GTF3A: variants seen among roughly 807,000 people sequenced by gnomAD.
GTF3A encodes transcription factor IIIA.
In GTF3A, 40 loss-of-function variants were observed where a neutral mutation model predicts 37.6. The ratio of observed to expected loss-of-function variants is 1.06; its 90% CI spans 0.83 to 1.38. The LOEUF is 1.38. Among genes scored for constraint, GTF3A ranks in the 40% most tolerant of loss-of-function variants. The pLI is 0.00. For synonymous variants in GTF3A, 191 were observed against 166.7 expected (o/e 1.15, Z -1.12); for missense variants, 500 against 462.6 (o/e 1.08, Z -0.74).
At chr13:27,427,488 A>G (rs1411783337) in intron 2 of GTF3A, among the ~76,000 whole-genome samples, 1 of 152,148 alleles carries the variant, frequency 6.6e-6, no homozygotes, top group Non-Finnish European at 1.5e-5. Context: ...GAGCTAACAT[A>G]AAATGCTCAT....
chr13:27,428,450 G>C (rs758871980), intron 2 of GTF3A, among the ~76,000 whole-genome samples: 1 of 152,196 alleles, frequency 6.6e-6, no homozygotes, highest in Admixed American at 6.5e-5. Context: ...TTTCAAGCAC[G>C]GCCTACATGT....
chr13:27,433,514 T>TAAAA (rs780277596), intron 5 of GTF3A, among the ~76,000 whole-genome samples: 1 of 110,920 alleles, frequency 9.0e-6, no homozygotes, highest in African/African-American at 3.5e-5. Flanking sequence ...TGTACTCTTT[T>TAAAA]AAAAAAAAAA....
chr13:27,434,957 C>T lies in GTF3A; in HGVS notation c.796C>T (p.His266Tyr), dbSNP rs1566077917. ...TACAACTGTGTTTAATCTCCAAAGCCATATCCTCTCCTTCCATGAGGAAAG... is the reference window on the plus strand; with the variant it reads ...TACAACTGTGTTTAATCTCCAAAGCTATATCCTCTCCTTCCATGAGGAAAG... The change falls in exon 7 of 9, where the codon CAT (histidine) becomes TAT (tyrosine). Residue 266 changes from histidine to tyrosine, a missense_variant. His to Tyr is a moderately conservative substitution (Grantham distance 83). Coordinates refer to ENST00000381140, the MANE Select transcript of GTF3A (RefSeq NM_002097.3). 1.2e-6 allele frequency: 2 copies of T among 1,611,552 alleles called. No individual in the cohort carries two copies. The highest frequency in any genetic ancestry group is 2.2e-5 in the East Asian group (1 of 44,858).
chr13:27,427,393 C>T (rs1953615308), intron 2 of GTF3A, among the ~76,000 whole-genome samples: 1 of 152,044 alleles, frequency 6.6e-6, no homozygotes, highest in Non-Finnish European at 1.5e-5. Context: ...ACCTGGGCAA[C>T]ATGGTGAAAC....
chr13:27,429,864 T>A lies in GTF3A; in HGVS notation c.303-6T>A. The A allele has an allele frequency of 6.7e-7, 1 of 1,497,148 alleles. No individual in the cohort carries two copies. The highest frequency in any genetic ancestry group is 8.9e-7 in the Non-Finnish European group (1 of 1,119,338). 92.7% of individuals were successfully genotyped at this position (1,497,148 alleles called of 1,614,324 possible). Reference sequence around the variant, plus strand: ...TTAATATTTTGGTTTATATAACTTCTTACAGTTGTGCAGCCAATGGCTGTG... The same window carrying A: ...TTAATATTTTGGTTTATATAACTTCATACAGTTGTGCAGCCAATGGCTGTG... On this transcript the variant is annotated splice_region_variant and splice_polypyrimidine_tract_variant and intron_variant, in intron 2 of 8. Coordinates refer to ENST00000381140, the MANE Select transcript of GTF3A (RefSeq NM_002097.3).
rs1953693476 is a variant in GTF3A, at chr13:27,434,765, T to C, written c.644-40T>C. 8 of 1,201,408 alleles carry C rather than the reference T, an allele frequency of 6.7e-6. No individual in the cohort carries two copies. The South Asian group carries it at 1.0e-4, about 16-fold the overall frequency. 74.4% of individuals were successfully genotyped at this position (1,201,408 alleles called of 1,614,324 possible). ...TATTAATTTTTTCTAAATGGTAATA[T>C]CTGGGGAAATTTGTGAAATTTGTCT... On this transcript the variant is annotated intron_variant, in intron 6 of 8. Transcript: ENST00000381140.
chr13:27,435,130 T>G lies in GTF3A; in HGVS notation c.874-3T>G, dbSNP rs767973928. On this transcript the variant is annotated splice_region_variant and splice_polypyrimidine_tract_variant and intron_variant, in intron 7 of 8. Transcript: ENST00000381140. Reference sequence around the variant, plus strand: ...TCATTAATAACTTTCTCTTTCATTGTAGCAAAGTCTCACTAGGCATGCTGT... The same window carrying G: ...TCATTAATAACTTTCTCTTTCATTGGAGCAAAGTCTCACTAGGCATGCTGT... The G allele has an allele frequency of 3.9e-5, 62 of 1,608,396 alleles. 1 individual carries two copies. The Admixed American group carries it at 5.2e-4, about 14-fold the overall frequency.
Position 27,424,950 on chromosome 13 carries a change from G to C in GTF3A, c.201+12G>C, listed in dbSNP as rs1953591752. 1 of 1,539,644 alleles carries C rather than the reference G, an allele frequency of 6.5e-7. No individual in the cohort carries two copies. The highest frequency in any genetic ancestry group is 8.8e-7 in the Non-Finnish European group (1 of 1,140,904). Reference sequence around the variant, plus strand: ...AGCACACGGGGGAGGTGAGGGGGGCGAGGCTGCCAACCCTGGGCCTAGGGA... The same window carrying C: ...AGCACACGGGGGAGGTGAGGGGGGCCAGGCTGCCAACCCTGGGCCTAGGGA... On this transcript the variant is annotated intron_variant, in intron 1 of 8. Transcript: ENST00000381140.
In GTF3A at chr13:27,424,661, G is replaced by C; in HGVS notation, c.-77G>C. The C allele has an allele frequency of 9.0e-7, 1 of 1,107,886 alleles. No individual in the cohort carries two copies. The highest frequency in any genetic ancestry group is 1.2e-6 in the Non-Finnish European group (1 of 839,920). The allele number at this position is 1,107,886 out of a possible 1,614,324, so 68.6% of individuals were successfully genotyped here. A position where few individuals can be genotyped will look rare whatever the true frequency, so the allele number is the denominator to read the frequency against. On this transcript the variant is annotated 5_prime_UTR_variant, in exon 1 of 9. Coordinates refer to ENST00000381140, the MANE Select transcript of GTF3A (RefSeq NM_002097.3). ...GCGAAGGTTCAGCAGGGAGCCGTGG[G>C]CCGGGCGCGCCGGTTCCCGGCACGT...
intron 2 of GTF3A, among the ~76,000 whole-genome samples, chr13:27,427,907 T>A (rs1487207798): frequency 1.3e-5 from 2 of 152,074 alleles, no homozygotes; most frequent in African/African-American, 4.8e-5. Flanking sequence ...ACCCTGCCCC[T>A]CTTTAGCTGT....
At chr13:27,433,385 G>T (rs1953675499) in intron 5 of GTF3A, among the ~76,000 whole-genome samples, 1 of 150,638 alleles carries the variant, frequency 6.6e-6, no homozygotes, top group Non-Finnish European at 1.5e-5. Flanking sequence ...TTAGTTTCTA[G>T]TTGGGTGGAA....
chr13:27,435,029 A>G lies in GTF3A; in HGVS notation c.868A>G (p.Met290Val), dbSNP rs749398463. ...TGCTGGCTGTGGCAAAACATTTGCA[A>G]TGAAAGTAAGCACTCACCCTCATAC... The change falls in exon 7 of 9, where the codon ATG becomes GTG. Residue 290 changes from methionine to valine, a missense_variant. By Grantham distance (21) the Met-to-Val change is conservative (BLOSUM62 1). Transcript: ENST00000381140. 3.8e-6 allele frequency: 6 copies of G among 1,592,806 alleles called. No individual in the cohort carries two copies. Among genetic ancestry groups the G allele is most frequent in the Non-Finnish European group, 8.6e-7 (1 of 1,160,642 alleles).
intron 8 of GTF3A, 95 bp downstream of exon 8, chr13:27,435,287 G>C (rs1465155892): frequency 1.6e-6 from 2 of 1,274,610 alleles, no homozygotes; most frequent in East Asian, 2.3e-5. Flanking sequence ...CTGCTTTACT[G>C]TTTGAGTCTG....
At chr13:27,434,377 A>G (rs1338949739) in intron 6 of GTF3A, among the ~76,000 whole-genome samples, 158 bp downstream of exon 6, 1 of 152,244 alleles carries the variant, frequency 6.6e-6, no homozygotes, top group Non-Finnish European at 1.5e-5. Flanking sequence ...AAAGGTGAGC[A>G]GAGCTGTGCC....
At position 27,429,941 on chromosome 13, in the gene GTF3A, A is replaced by C. The variant is rs1953642704; in HGVS notation, c.374A>C (p.His125Pro). ...TTGAAGAAACATTTTGAACGCAAAC[A>C]TGAAAATCAACAAAAACAATATATA... The change falls in exon 3 of 9, where the codon CAT (histidine) becomes CCT (proline). Residue 125 changes from histidine to proline, a missense_variant. Physicochemically the swap from His to Pro is moderately conservative, Grantham distance 77. Transcript: ENST00000381140. 1 of 1,532,018 alleles carries C rather than the reference A, an allele frequency of 6.5e-7. No homozygotes were observed. The highest frequency in any genetic ancestry group is 8.8e-7 in the Non-Finnish European group (1 of 1,137,514). The allele number at this position is 1,532,018 out of a possible 1,614,324, so 94.9% of individuals were successfully genotyped here.
chr13:27,432,208 G>A (rs73438716), intron 4 of GTF3A, among the ~76,000 whole-genome samples: 1,776 of 152,284 alleles, frequency 0.012, 37 homozygotes, highest in African/African-American at 0.041. Flanking sequence ...CCTGTGCCTT[G>A]GAGTTGCTGC....
rs2138033601 is a variant in GTF3A at position 27,435,552 on chromosome 13, G to A, written c.1053G>A (p.Val351=). 6.2e-7 allele frequency: 1 copy of A among 1,613,576 alleles called. No homozygotes were observed. The highest frequency in any genetic ancestry group is 8.5e-7 in the Non-Finnish European group (1 of 1,179,592). Residue 351 remains valine, a synonymous_variant, in exon 9 of 9, where the codon GTG becomes GTA. Coordinates refer to ENST00000381140, the MANE Select transcript of GTF3A (RefSeq NM_002097.3). ...AAAACGGAGAGTCACCCAACTGTGT[G>A]GAAGACAAGATGCTCTCGACAGTTG... is the stretch of plus-strand genomic sequence containing the variant.
chr13:27,429,841 A>G (rs1272770090), intron 2 of GTF3A, 29 bp from the exon 3 acceptor site: 2 of 1,236,284 alleles, frequency 1.6e-6, no homozygotes, highest in Non-Finnish European at 2.2e-6. Flanking sequence ...TTGGTTTATT[A>G]ATATTTTGGT....
chr13:27,428,063 C>T (rs1953622139), intron 2 of GTF3A, among the ~76,000 whole-genome samples: 1 of 152,114 alleles, frequency 6.6e-6, no homozygotes, highest in Non-Finnish European at 1.5e-5. Context: ...TGCTTTGAGG[C>T]CAGGAGTTCA....
Sources: allele counts gnomAD v4.1 joint callset (sites outside exome capture counted in the v4.1 genomes callset), GRCh38; gene constraint gnomAD v4.1.1; transcripts MANE v1.5; gene names NCBI Gene and HGNC (gene_info 2026-07-23, HGNC 2026-07-21).